The following TMPRSS2 variants were observed in gnomAD, a reference collection of about 807,000 sequenced individuals.
TMPRSS2 encodes transmembrane serine protease 2, also known as transmembrane protease serine 2.
A neutral mutation model predicts 67.4 loss-of-function variants in TMPRSS2; 59 were observed. That is an observed-to-expected ratio of 0.88 (90% CI 0.71 to 1.09). The LOEUF is 1.09. TMPRSS2 is among the 50% of genes least tolerant of loss of function. The pLI is 0.00. For synonymous variants in TMPRSS2, 257 were observed against 257.0 expected (o/e 1.00, Z 0.00); for missense variants, 668 against 642.7 (o/e 1.04, Z -0.43).
At chr21:41,485,887 C>T (rs2091293928) in intron 5 of TMPRSS2, among the ~76,000 whole-genome samples, 2 of 152,166 alleles carry the variant, frequency 1.3e-5, no homozygotes, top group African/African-American at 2.4e-5. Context: ...AAGGCCGGCA[C>T]GAGGGCCGAG....
intron 13 of TMPRSS2, among the ~76,000 whole-genome samples, 164 bp from the exon 14 acceptor site, chr21:41,466,317 C>T (rs1237035673): frequency 1.3e-5 from 2 of 152,230 alleles, no homozygotes; most frequent in African/African-American, 4.8e-5. Flanking sequence ...CAGAGTCAGG[C>T]TGAGCATGGC....
At chr21:41,475,326 T>G (rs1601569453) in intron 8 of TMPRSS2, among the ~76,000 whole-genome samples, 2 of 6,358 alleles carry the variant, frequency 3.1e-4, no homozygotes, top group Non-Finnish European at 5.0e-4. Flanking sequence ...AGGGGGTGAG[T>G]GAGGAGGTGA....
intron 1 of TMPRSS2, among the ~76,000 whole-genome samples, chr21:41,506,254 G>C (rs2091457411): frequency 6.6e-6 from 1 of 152,172 alleles, no homozygotes; most frequent in Non-Finnish European, 1.5e-5. Flanking sequence ...GAAGCTGCTG[G>C]GGACCAAACA....
In TMPRSS2 at chr21:41,465,794, G is replaced by A. The variant is rs1216242622; in HGVS notation, c.*348C>T. 3 of 330,378 alleles carry A rather than the reference G, an allele frequency of 9.1e-6. No individual in the cohort carries two copies. 20.5% of individuals were successfully genotyped at this position (330,378 alleles called of 1,614,324 possible). On this transcript the variant is annotated 3_prime_UTR_variant, in exon 14 of 14. Transcript: ENST00000332149. ...CTTTTTCATCTCAAGTCATCCAGCA[G>A]CTGAGAGGTGACAGCTCCATGCTCA...
chr21:41,493,754 A>C lies in TMPRSS2; in HGVS notation c.238+602T>G, dbSNP rs562000328. On this transcript the variant is annotated intron_variant, in intron 3 of 13. Transcript: ENST00000332149. ...ATGGCAAAGAAAGGAGATGAATGGTAGGGTGAGGAAGAGGAGGGACTGAAG... is the reference window on the plus strand; with the variant it reads ...ATGGCAAAGAAAGGAGATGAATGGTCGGGTGAGGAAGAGGAGGGACTGAAG... Among the ~76,000 whole-genome samples the C allele has an allele frequency of 5.9e-5, 9 of 152,352 alleles. 1 individual carries two copies. Among genetic ancestry groups the C allele is most frequent in the African/African-American group, 2.2e-4 (9 of 41,578 alleles).
At chr21:41,499,553 C>T (rs985399094) in intron 1 of TMPRSS2, among the ~76,000 whole-genome samples, 4 of 152,178 alleles carry the variant, frequency 2.6e-5, no homozygotes, top group Non-Finnish European at 5.9e-5. Context: ...AGCCTGTCTT[C>T]AGCAAGAATC....
chr21:41,494,195 G>A (rs2091359822), intron 3 of TMPRSS2, among the ~76,000 whole-genome samples, 161 bp downstream of exon 3: 1 of 152,262 alleles, frequency 6.6e-6, no homozygotes, highest in South Asian at 2.1e-4. Context: ...CCAGCAGGAA[G>A]AGAGTGGAAA....
At chr21:41,472,101 C>T in intron 9 of TMPRSS2, 120 bp from the exon 10 acceptor site, 1 of 978,138 alleles carries the variant, frequency 1.0e-6, no homozygotes, top group Non-Finnish European at 1.5e-6. Flanking sequence ...CACCAAAAAC[C>T]ACACAGGGAG....
chr21:41,508,020 G>A (rs1425999995), intron 1 of TMPRSS2, 61 bp downstream of exon 1: 1 of 1,348,974 alleles, frequency 7.4e-7, no homozygotes. Context: ...GGTCCCAGGC[G>A]CCCAGGTTCC....
At chr21:41,488,872 C>A (rs960717105) in intron 4 of TMPRSS2, among the ~76,000 whole-genome samples, 1 of 152,218 alleles carries the variant, frequency 6.6e-6, no homozygotes, top group African/African-American at 2.4e-5. Context: ...AACTCCTGAC[C>A]TCAGGTGGTC....
chr21:41,491,441 C>G (rs1386676182), intron 3 of TMPRSS2, among the ~76,000 whole-genome samples: 1 of 152,114 alleles, frequency 6.6e-6, no homozygotes, highest in African/African-American at 2.4e-5. Context: ...GCCACTGCAC[C>G]CGACCTGAAT....
intron 13 of TMPRSS2, 83 bp downstream of exon 13, chr21:41,467,651 A>G: frequency 1.3e-6 from 2 of 1,538,560 alleles, no homozygotes; most frequent in Non-Finnish European, 1.8e-6. Flanking sequence ...GTCAGCTTCC[A>G]GCAGCAGAAC....
At chr21:41,492,200 A>T (rs1440681118) in intron 3 of TMPRSS2, among the ~76,000 whole-genome samples, 1 of 146,828 alleles carries the variant, frequency 6.8e-6, no homozygotes, top group Non-Finnish European at 1.5e-5. Context: ...CTCAAAAAAC[A>T]AACAAACAAA....
At chr21:41,466,257 A>G (rs2091082465) in intron 13 of TMPRSS2, 104 bp from the exon 14 acceptor site, 5 of 1,123,054 alleles carry the variant, frequency 4.5e-6, no homozygotes, top group Non-Finnish European at 6.6e-6. Flanking sequence ...GAAACCAAAT[A>G]AGCAAGCTTA....
In TMPRSS2 at chr21:41,489,491, G is replaced by A; in HGVS notation, c.325+16C>T. On this transcript the variant is annotated intron_variant, in intron 4 of 13. Coordinates refer to ENST00000332149, the MANE Select transcript of TMPRSS2 (RefSeq NM_005656.4). Reference sequence around the variant, plus strand: ...CTGCAGGAGCACATGGTGGGATCGAGGCTCCCTGCACTTACTGAACTTCCA... The same window carrying A: ...CTGCAGGAGCACATGGTGGGATCGAAGCTCCCTGCACTTACTGAACTTCCA... The A allele has an allele frequency of 6.2e-7, 1 of 1,612,246 alleles. No homozygotes were observed. The highest frequency in any genetic ancestry group is 8.5e-7 in the Non-Finnish European group (1 of 1,178,632).
intron 1 of TMPRSS2, among the ~76,000 whole-genome samples, chr21:41,500,180 G>A (rs1169621760): frequency 2.0e-5 from 3 of 152,226 alleles, no homozygotes; most frequent in African/African-American, 7.2e-5. Flanking sequence ...TGAAGGTTCT[G>A]TGCCTCAGTT....
Position 41,485,655 on chromosome 21 carries a change from A to G in TMPRSS2, c.445+2739T>C, listed in dbSNP as rs559668949. Among the ~76,000 whole-genome samples the G allele has an allele frequency of 4.7e-5, 7 of 148,474 alleles. No homozygotes were observed. In the East Asian group the frequency reaches 5.8e-4, roughly 12 times the overall value. On this transcript the variant is annotated intron_variant, in intron 5 of 13. Coordinates refer to ENST00000332149, the MANE Select transcript of TMPRSS2 (RefSeq NM_005656.4). ...CAGAGTGAAACCCTGTCTCCAGGAA[A>G]AAAAAAAAAAAAATAGAAAGAAAAG... is the stretch of plus-strand genomic sequence containing the variant.
At chr21:41,476,665 C>T in intron 7 of TMPRSS2, 45 bp from the exon 8 acceptor site, 1 of 1,534,932 alleles carries the variant, frequency 6.5e-7, no homozygotes, top group Non-Finnish European at 9.0e-7. Context: ...AGTGCGGAGT[C>T]ACCTGCCTCT....
rs1442497600 is a variant in TMPRSS2 at position 41,468,465 on chromosome 21, G to T, written c.1245C>A (p.Val415=). ...TGGCTGGTGTGATCAGGTTGTCATAGACATATCTGCTGTTGCATCTCTGTG... is the reference window on the plus strand; with the variant it reads ...TGGCTGGTGTGATCAGGTTGTCATATACATATCTGCTGTTGCATCTCTGTG... ...IETQRCNSRY[V]YDNLITPAMI... is the part of the protein sequence containing the mutation. Residue 415 remains valine (V), a synonymous_variant, in exon 12 of 14, where the codon GTC becomes GTA. Transcript: ENST00000332149. 1.3e-5 allele frequency: 21 copies of T among 1,614,080 alleles called. No homozygotes were observed. Among genetic ancestry groups the T allele is most frequent in the Non-Finnish European group, 1.8e-5 (21 of 1,180,044 alleles).
Sources: gnomAD v4.1 joint callset for allele counts (sites outside exome capture counted in the v4.1 genomes callset) on GRCh38, gnomAD v4.1.1 for gene constraint, MANE v1.5 for transcripts, NCBI Gene and HGNC (gene_info 2026-07-23, HGNC 2026-07-21) for gene names.